Variants in ADAMTSL1 observed in about 807,000 individuals in gnomAD.
ADAMTSL1 encodes the protein ADAMTS like 1, also known as ADAMTS-like protein 1.
A neutral mutation model predicts 201.8 loss-of-function variants in ADAMTSL1; 126 were observed. That is an observed-to-expected ratio of 0.62 (90% confidence interval 0.54 to 0.72). The LOEUF is 0.72. Among genes scored for constraint, ADAMTSL1 ranks in the 30% least tolerant of loss-of-function variants. ADAMTSL1 has a pLI of 0.00. For synonymous variants in ADAMTSL1, 1,121 were observed against 903.4 expected, an observed-to-expected ratio of 1.24 and a Z score of -4.32; for missense variants, 2,679 against 2,277.8, an observed-to-expected ratio of 1.18 and a Z score of -3.59.
intron 2 of ADAMTSL1, among the ~76,000 whole-genome samples, chr9:18,186,432 T>C (rs930232057): frequency 1.3e-5 from 2 of 152,148 alleles, no homozygotes; most frequent in Non-Finnish European, 2.9e-5. Context: ...GCAATGTCCT[T>C]GATCAGGAAT....
intron 2 of ADAMTSL1, among the ~76,000 whole-genome samples, chr9:18,516,491 T>A (rs1818374748): frequency 6.6e-6 from 1 of 152,246 alleles, no homozygotes; most frequent in Non-Finnish European, 1.5e-5. Context: ...CTGGTCCAGA[T>A]AAAGACCCTT....
chr9:18,391,870 C>A (rs1315687397), intron 2 of ADAMTSL1, among the ~76,000 whole-genome samples: 2 of 139,548 alleles, frequency 1.4e-5, no homozygotes, highest in African/African-American at 5.3e-5. Flanking sequence ...TGCAGCCCAG[C>A]CTGGAGTGCA....
chr9:18,039,944 A>G (rs1005233343), intron 1 of ADAMTSL1, among the ~76,000 whole-genome samples: 3 of 152,206 alleles, frequency 2.0e-5, no homozygotes, highest in Non-Finnish European at 4.4e-5. Flanking sequence ...CTCTTTAGAC[A>G]TATGCTACTA....
chr9:18,206,448 A>C (rs1015972439), intron 2 of ADAMTSL1, among the ~76,000 whole-genome samples: 6 of 152,098 alleles, frequency 3.9e-5, no homozygotes, highest in African/African-American at 1.4e-4. Context: ...AGCTATCAGC[A>C]AAAACCTTCT....
At chr9:18,848,852 T>C (rs1371941590) in intron 23 of ADAMTSL1, among the ~76,000 whole-genome samples, 2 of 152,264 alleles carry the variant, frequency 1.3e-5, no homozygotes, top group Admixed American at 6.5e-5. Flanking sequence ...CAGAAAACTT[T>C]ATTTACAGAA....
At chr9:18,513,065 G>A (rs1818129085) in intron 2 of ADAMTSL1, among the ~76,000 whole-genome samples, 1 of 152,190 alleles carries the variant, frequency 6.6e-6, no homozygotes, top group Non-Finnish European at 1.5e-5. Context: ...GACCTAGACT[G>A]AGCTGGGAAG....
At position 18,359,833 on chromosome 9, in the gene ADAMTSL1, C is replaced by T. The variant is rs1009630733; in HGVS notation, c.208-144996C>T. On this transcript the variant is annotated intron_variant, in intron 2 of 29. Transcript: ENST00000680146. The stretch of plus-strand genomic sequence containing the variant: ...ATGCCCCACCTCCCCACCCGCCCCC[C>T]CGCCCACACAAAATGCCCCACCCCT... 3.5e-4 allele frequency among the ~76,000 whole-genome samples: 42 copies of T among 118,842 alleles called. 3 individuals carry two copies. The highest frequency in any genetic ancestry group is 1.3e-3 in the African/African-American group (41 of 31,596). 78.0% of individuals were successfully genotyped at this position (118,842 alleles called of 152,430 possible). A position where few individuals can be genotyped will look rare whatever the true frequency, so the allele number is the denominator to read the frequency against.
At chr9:18,281,186 A>G (rs1322898163) in intron 2 of ADAMTSL1, among the ~76,000 whole-genome samples, 1 of 152,190 alleles carries the variant, frequency 6.6e-6, no homozygotes, top group African/African-American at 2.4e-5. Context: ...TAAGCAAATG[A>G]TATAATAAGC....
intron 2 of ADAMTSL1, among the ~76,000 whole-genome samples, chr9:18,214,673 G>T (rs551760355): frequency 1.8e-4 from 28 of 152,252 alleles, no homozygotes; most frequent in African/African-American, 6.7e-4. Flanking sequence ...ACTGTTGTTT[G>T]CTATTAATAA....
At chr9:18,040,398 G>C (rs573688526) in intron 1 of ADAMTSL1, among the ~76,000 whole-genome samples, 1 of 152,168 alleles carries the variant, frequency 6.6e-6, no homozygotes. Flanking sequence ...TGATGCTTCT[G>C]TTCCTACTGA....
chr9:18,306,035 T>G (rs2132758041), intron 2 of ADAMTSL1, among the ~76,000 whole-genome samples: 1 of 152,300 alleles, frequency 6.6e-6, no homozygotes, highest in Non-Finnish European at 1.5e-5. Context: ...TTTACTGTTC[T>G]GTAGCCTCCA....
At chr9:18,071,448 A>C (rs747002365) in intron 1 of ADAMTSL1, among the ~76,000 whole-genome samples, 14 of 152,230 alleles carry the variant, frequency 9.2e-5, no homozygotes, top group Non-Finnish European at 2.1e-4. Flanking sequence ...AAGGAACCGG[A>C]GTTCAGAATT....
chr9:18,074,729 T>C (rs950930251), intron 1 of ADAMTSL1, among the ~76,000 whole-genome samples: 1 of 152,052 alleles, frequency 6.6e-6, no homozygotes, highest in African/African-American at 2.4e-5. Flanking sequence ...TAGCTGGGAT[T>C]ACAGGCGCTT....
chr9:18,293,671 G>C (rs1011072950), intron 2 of ADAMTSL1, among the ~76,000 whole-genome samples: 3 of 152,172 alleles, frequency 2.0e-5, no homozygotes, highest in Admixed American at 6.5e-5. Context: ...TATGCAATTT[G>C]GCCTTATTTC....
At chr9:18,890,537 G>A (rs1216587701) in intron 25 of ADAMTSL1, 3 of 455,874 alleles carry the variant, frequency 6.6e-6, no homozygotes, top group African/African-American at 4.0e-5. Context: ...TTAGGCAACT[G>A]CTTTCTGTTT....
chr9:18,780,502 AT>A (rs1192873309), intron 19 of ADAMTSL1, among the ~76,000 whole-genome samples: 7 of 152,112 alleles, frequency 4.6e-5, no homozygotes, highest in Admixed American at 2.6e-4. Flanking sequence ...TTTTATGTCT[AT>A]TTTTTTAATA....
chr9:17,980,191 A>G (rs1818630701), intron 1 of ADAMTSL1, among the ~76,000 whole-genome samples: 2 of 152,134 alleles, frequency 1.3e-5, no homozygotes, highest in South Asian at 4.1e-4. Flanking sequence ...CCCAGATGCT[A>G]TAATTTCTCA....
rs929250663 is a variant in ADAMTSL1, at chr9:18,909,803, T to G, written c.*1255T>G. On this transcript the variant is annotated 3_prime_UTR_variant, in exon 29 of 29. Coordinates refer to ENST00000380548, the MANE Select transcript of ADAMTSL1 (RefSeq NM_001040272.6). ...CAGGGTCTGCAGGTCCTCCGGCATG[T>G]AGTATTTATCTAGCAAGGCGGGGTG... 3.3e-5 allele frequency: 5 copies of G among 151,836 alleles called. No homozygotes were observed. The highest frequency in any genetic ancestry group is 1.2e-4 in the African/African-American group (5 of 41,390). 9.4% of individuals were successfully genotyped at this position (151,836 alleles called of 1,614,324 possible).
At chr9:18,822,706 T>A (rs1824287292) in intron 21 of ADAMTSL1, among the ~76,000 whole-genome samples, 1 of 152,202 alleles carries the variant, frequency 6.6e-6, no homozygotes, top group Non-Finnish European at 1.5e-5. Flanking sequence ...ATGGAGTTAT[T>A]AAATAGTACC....
Sources: gnomAD v4.1 joint callset for allele counts (sites outside exome capture counted in the v4.1 genomes callset) on GRCh38, gnomAD v4.1.1 for gene constraint, MANE v1.5 for transcripts, NCBI Gene and HGNC (gene_info 2026-07-23, HGNC 2026-07-21) for gene names.